Variants in TENT2 observed in about 807,000 individuals in gnomAD.
TENT2 encodes poly(A) RNA polymerase GLD2.
A neutral mutation model predicts 72.2 loss-of-function variants in TENT2; 44 were observed. That is an observed-to-expected ratio of 0.61 (90% confidence interval 0.48 to 0.78). The LOEUF is 0.78. Ranked by LOEUF, TENT2 falls within the 30% of genes least tolerant of loss-of-function variation. The pLI, the probability that TENT2 is intolerant of heterozygous loss-of-function variation, is 0.00. For missense variants in TENT2, 541 were observed against 569.6 expected, an observed-to-expected ratio of 0.95 and a Z score of 0.51; for synonymous variants, 212 against 192.5, an observed-to-expected ratio of 1.10 and a Z score of -0.84.
intron 1 of TENT2, among the ~76,000 whole-genome samples, chr5:79,617,901 A>C (rs920045760): frequency 2.6e-5 from 4 of 152,164 alleles, no homozygotes; most frequent in Non-Finnish European, 5.9e-5. Flanking sequence ...TGAAACTTCA[A>C]TATAATATAC....
At chr5:79,652,260 A>G (rs1278598608) in intron 10 of TENT2, among the ~76,000 whole-genome samples, 1 of 151,958 alleles carries the variant, frequency 6.6e-6, no homozygotes, top group Non-Finnish European at 1.5e-5. Flanking sequence ...TAATTACGAT[A>G]TACCCTAATA....
intron 2 of TENT2, 61 bp downstream of exon 2, chr5:79,619,846 A>G: frequency 6.4e-7 from 1 of 1,551,440 alleles, no homozygotes; most frequent in African/African-American, 1.4e-5. Flanking sequence ...TTTGACATAA[A>G]CCCTTTTTGT....
chr5:79,681,806 A>G (rs1263303666), intron 13 of TENT2, 176 bp from the exon 14 acceptor site: 3 of 527,130 alleles, frequency 5.7e-6, no homozygotes, highest in Non-Finnish European at 1.0e-5. Flanking sequence ...GGCAGTTCAT[A>G]GTATATCAAG....
At chr5:79,642,105 AGT>A (rs543799727) in intron 6 of TENT2, among the ~76,000 whole-genome samples, 233 of 152,212 alleles carry the variant, frequency 1.5e-3, no homozygotes, top group Non-Finnish European at 2.9e-3. Context: ...AATTAAGCTC[AGT>A]GTAATTTTAA....
At chr5:79,627,792 A>G (rs891732293) in intron 4 of TENT2, among the ~76,000 whole-genome samples, 5 of 152,094 alleles carry the variant, frequency 3.3e-5, no homozygotes, top group Admixed American at 1.3e-4. Context: ...GCTGGAACCA[A>G]TTTCTTTGAG....
At chr5:79,633,700 G>A (rs1314672648) in intron 4 of TENT2, among the ~76,000 whole-genome samples, 1 of 148,792 alleles carries the variant, frequency 6.7e-6, no homozygotes, top group Non-Finnish European at 1.5e-5. Flanking sequence ...ACAGGCATGA[G>A]CCACTGTGCC....
chr5:79,631,656 AG>A (rs1775633471), intron 4 of TENT2, among the ~76,000 whole-genome samples: 1 of 152,192 alleles, frequency 6.6e-6, no homozygotes, highest in South Asian at 2.1e-4. Context: ...GAAAGGGAGG[AG>A]CAAAAGGTGT....
Position 79,623,454 on chromosome 5 carries a change from C to G in TENT2, c.430C>G (p.Pro144Ala). 6.8e-6 allele frequency: 11 copies of G among 1,610,048 alleles called. No homozygotes were observed. The highest frequency in any genetic ancestry group is 9.3e-6 in the Non-Finnish European group (11 of 1,177,890). Residue 144 changes from proline (P) to alanine (A), a missense_variant, in exon 4 of 15, where the codon CCT becomes GCT. Physicochemically the swap from Pro to Ala is conservative, Grantham distance 27. Transcript: ENST00000453514. ...PPFREIAFLE[P>A]REITLPEAKD... ...TTTTCGAGAAATTGCATTTTTAGAACCTAGAGAAATCACACTGCCTGAGGC... is the reference window on the plus strand; with the variant it reads ...TTTTCGAGAAATTGCATTTTTAGAAGCTAGAGAAATCACACTGCCTGAGGC...
At chr5:79,661,861 A>T (rs1302322088) in intron 11 of TENT2, among the ~76,000 whole-genome samples, 3 of 152,222 alleles carry the variant, frequency 2.0e-5, no homozygotes, top group Admixed American at 2.0e-4. Context: ...GATCTTTGCT[A>T]GCATTTTACG....
At chr5:79,665,941 T>A (rs10942899) in intron 11 of TENT2, among the ~76,000 whole-genome samples, 17 of 151,926 alleles carry the variant, frequency 1.1e-4, no homozygotes, top group Non-Finnish European at 1.9e-4. Context: ...AATACATAAC[T>A]AAAGTGGGGA....
chr5:79,675,437 GAAGT>G lies in TENT2; in HGVS notation c.1209-4138_1209-4135del, dbSNP rs1206260776. 6.6e-5 allele frequency among the ~76,000 whole-genome samples: 10 copies of G among 152,304 alleles called. No individual in the cohort carries two copies. In the South Asian group the frequency reaches 8.3e-4, roughly 13 times the overall value. ...AATGATTGTGAAGGTGGAAATTTGAGAAGTAAGACGAAAGTATGAATTGTCATAT... is the reference window on the plus strand; with the variant it reads ...AATGATTGTGAAGGTGGAAATTTGAGAAGACGAAAGTATGAATTGTCATAT... On this transcript the variant is annotated intron_variant, in intron 12 of 14. Transcript: ENST00000453514.
At chr5:79,659,593 T>TATAA (rs1348206904) in intron 11 of TENT2, among the ~76,000 whole-genome samples, 14 of 121,846 alleles carry the variant, frequency 1.1e-4, no homozygotes, top group South Asian at 2.7e-4. Context: ...TATATATATA[T>TATAA]AATAGCCATC....
intron 14 of TENT2, 114 bp from the exon 15 acceptor site, chr5:79,685,085 A>T: frequency 1.2e-6 from 1 of 849,954 alleles, no homozygotes. Context: ...GAAGGAAAAA[A>T]TTATTCAAAA....
intron 11 of TENT2, among the ~76,000 whole-genome samples, chr5:79,659,703 C>G (rs1801234619): frequency 6.7e-6 from 1 of 150,360 alleles, no homozygotes; most frequent in African/African-American, 2.4e-5. Context: ...ATTCCTCTTT[C>G]ACTAATGAAG....
intron 11 of TENT2, among the ~76,000 whole-genome samples, chr5:79,668,113 T>C (rs1809936571): frequency 6.6e-6 from 1 of 152,204 alleles, no homozygotes; most frequent in South Asian, 2.1e-4. Flanking sequence ...GAACTTGCTG[T>C]TAATAGAGGA....
intron 4 of TENT2, among the ~76,000 whole-genome samples, chr5:79,624,431 G>A (rs1767685911): frequency 6.6e-6 from 1 of 152,018 alleles, no homozygotes. Flanking sequence ...TTTTAATTTA[G>A]TTATAATTGT....
intron 11 of TENT2, among the ~76,000 whole-genome samples, chr5:79,659,556 G>GTATATATATATATATA (rs71855117): frequency 2.9e-4 from 10 of 34,270 alleles, no homozygotes; most frequent in East Asian, 1.5e-3. Context: ...AAAAAAAAAT[G>GTATATATATATATATA]TATATATATA....
intron 10 of TENT2, among the ~76,000 whole-genome samples, chr5:79,653,760 A>C (rs1795893077): frequency 6.6e-6 from 1 of 152,218 alleles, no homozygotes; most frequent in African/African-American, 2.4e-5. Flanking sequence ...TTTTCTTGGC[A>C]GTATCACATT....
chr5:79,631,682 C>G (rs1333365174), intron 4 of TENT2, among the ~76,000 whole-genome samples: 1 of 151,990 alleles, frequency 6.6e-6, no homozygotes, highest in East Asian at 1.9e-4. Context: ...TTAGGACAGG[C>G]TTTTTTTGGT....
Sources: gnomAD v4.1 joint callset for allele counts (sites outside exome capture counted in the v4.1 genomes callset) on GRCh38, gnomAD v4.1.1 for gene constraint, MANE v1.5 for transcripts, NCBI Gene and HGNC (gene_info 2026-07-23, HGNC 2026-07-21) for gene names.